DUSP10: variants seen among roughly 807,000 people sequenced by gnomAD.
The protein encoded by DUSP10 is dual specificity protein phosphatase 10.
DUSP10 carries 14 observed loss-of-function variants against 30.8 expected under a neutral mutation model. The ratio of observed to expected loss-of-function variants is 0.46; its 90% CI spans 0.30 to 0.71. The LOEUF (loss-of-function observed/expected upper bound fraction) is 0.71. Ranked by LOEUF, DUSP10 falls within the 30% of genes least tolerant of loss-of-function variation. DUSP10 has a pLI of 0.08. For missense variants in DUSP10, 550 were observed against 619.4 expected, an observed-to-expected ratio of 0.89 and a Z score of 1.19; for synonymous variants, 254 against 250.4, an observed-to-expected ratio of 1.01 and a Z score of -0.14.
intron 2 of DUSP10, chr1:221,736,984 C>T: frequency 1.0e-6 from 1 of 985,522 alleles, no homozygotes; most frequent in Non-Finnish European, 1.2e-6. Context: ...GGCAATCTTA[C>T]TCTGACACTG....
At position 221,739,711 on chromosome 1, in the gene DUSP10, C is replaced by A. The variant is rs1473378213; in HGVS notation, c.34G>T (p.Val12Leu). Residue 12 changes from valine to leucine, a missense_variant, in exon 2 of 4, where the codon GTG (valine) becomes TTG (leucine). Transcript: ENST00000366899. ...GGTCGGACGGGCCTAGATAGTGCCA[C>A]TACTACCCTGTCGTCTAAAGGAGAC... ...PPSPLDDRVV[V>L]ALSRPVRPQD... 1 of 1,609,684 alleles carries A rather than the reference C, an allele frequency of 6.2e-7. No homozygotes were observed. Among genetic ancestry groups the A allele is most frequent in the Non-Finnish European group, 8.5e-7 (1 of 1,177,234 alleles).
At chr1:221,715,271 T>C (rs1262762198) in intron 2 of DUSP10, among the ~76,000 whole-genome samples, 2 of 152,230 alleles carry the variant, frequency 1.3e-5, no homozygotes, top group Non-Finnish European at 2.9e-5. Flanking sequence ...TAAAGTTTAA[T>C]TGGAGGCCTT....
chr1:221,723,962 T>C (rs558302843), intron 2 of DUSP10, among the ~76,000 whole-genome samples: 3 of 152,386 alleles, frequency 2.0e-5, no homozygotes, highest in African/African-American at 7.2e-5. Context: ...ATCATGTGGA[T>C]GTCTTTCTGA....
chr1:221,738,530 C>T (rs1207618953), intron 2 of DUSP10, among the ~76,000 whole-genome samples: 1 of 152,224 alleles, frequency 6.6e-6, no homozygotes, highest in Admixed American at 6.5e-5. Context: ...TTGCTCCTTC[C>T]TCTGTTCCAT....
At chr1:221,718,194 G>A (rs1661168912) in intron 2 of DUSP10, among the ~76,000 whole-genome samples, 1 of 152,064 alleles carries the variant, frequency 6.6e-6, no homozygotes, top group South Asian at 2.1e-4. Flanking sequence ...AAGCCTTGTA[G>A]AACCTTAGTT....
chr1:221,720,572 T>C (rs988419738), intron 2 of DUSP10, among the ~76,000 whole-genome samples: 1 of 152,088 alleles, frequency 6.6e-6, no homozygotes, highest in Admixed American at 6.5e-5. Context: ...GGTAATCTTG[T>C]AGGACTGAGC....
chr1:221,723,411 T>A (rs1486055640), intron 2 of DUSP10, among the ~76,000 whole-genome samples: 1 of 152,244 alleles, frequency 6.6e-6, no homozygotes, highest in East Asian at 1.9e-4. Context: ...CAGTCTATTC[T>A]TGCAATACTG....
intron 2 of DUSP10, among the ~76,000 whole-genome samples, chr1:221,719,211 A>C (rs1485502713): frequency 6.6e-6 from 1 of 152,226 alleles, no homozygotes; most frequent in Non-Finnish European, 1.5e-5. Flanking sequence ...TGTTTTCCTG[A>C]ACCGATGTTT....
At chr1:221,704,221 T>C (rs563897494) in intron 3 of DUSP10, among the ~76,000 whole-genome samples, 1 of 151,632 alleles carries the variant, frequency 6.6e-6, no homozygotes, top group African/African-American at 2.4e-5. Flanking sequence ...GTTTATCCAA[T>C]AATATAACAA....
chr1:221,724,045 C>G (rs556651624), intron 2 of DUSP10, among the ~76,000 whole-genome samples: 1 of 152,320 alleles, frequency 6.6e-6, no homozygotes, highest in South Asian at 2.1e-4. Context: ...TCATGCATAA[C>G]AAAGACACTC....
At chr1:221,711,314 G>A (rs1421424920) in intron 2 of DUSP10, among the ~76,000 whole-genome samples, 1 of 152,182 alleles carries the variant, frequency 6.6e-6, no homozygotes, top group Non-Finnish European at 1.5e-5. Context: ...CTATAAGCAA[G>A]AGATTTTTAT....
At chr1:221,732,335 T>G (rs1046292517) in intron 2 of DUSP10, among the ~76,000 whole-genome samples, 25 of 152,230 alleles carry the variant, frequency 1.6e-4, no homozygotes, top group African/African-American at 6.0e-4. Context: ...GTTAACAGCT[T>G]AAACCACTAG....
At chr1:221,704,266 T>C (rs376143764) in intron 3 of DUSP10, among the ~76,000 whole-genome samples, 70 of 151,768 alleles carry the variant, frequency 4.6e-4, no homozygotes, top group African/African-American at 1.6e-3. Context: ...GGTTGTGATA[T>C]GGAGTTGTTC....
Position 221,741,717 on chromosome 1 carries a change from A to AT in DUSP10, c.-44+263dup, listed in dbSNP as rs1298037364. ...GCCGCAAAGCATCCCAACAAACCTCATTTTTTCTTCGCCCCAAATCCAAGT... is the reference window on the plus strand; with the variant it reads ...GCCGCAAAGCATCCCAACAAACCTCATTTTTTTCTTCGCCCCAAATCCAAGT... On this transcript the variant is annotated intron_variant, in intron 1 of 3. Coordinates refer to ENST00000366899, the MANE Select transcript of DUSP10 (RefSeq NM_007207.6). Among the ~76,000 whole-genome samples the AT allele has an allele frequency of 9.9e-5, 15 of 150,846 alleles. No homozygotes were observed. The East Asian group carries it at 2.7e-3, about 27-fold the overall frequency.
At chr1:221,713,504 C>T (rs1029071161) in intron 2 of DUSP10, among the ~76,000 whole-genome samples, 7 of 152,062 alleles carry the variant, frequency 4.6e-5, no homozygotes, top group East Asian at 1.9e-4. Context: ...TTGAAATGGA[C>T]GTACAGAAAA....
intron 2 of DUSP10, among the ~76,000 whole-genome samples, chr1:221,726,396 G>A (rs1024778537): frequency 7.9e-5 from 12 of 152,116 alleles, no homozygotes; most frequent in African/African-American, 2.9e-4. Flanking sequence ...ACAGGTTACA[G>A]CATTAAAGAA....
intron 2 of DUSP10, among the ~76,000 whole-genome samples, chr1:221,723,868 T>C (rs1420050103): frequency 6.6e-6 from 1 of 152,200 alleles, no homozygotes; most frequent in Non-Finnish European, 1.5e-5. Flanking sequence ...ATAATTAAAT[T>C]ATTGGCCTTG....
chr1:221,702,872 TA>T lies in DUSP10; in HGVS notation c.1184-196del, dbSNP rs1179603171. Among the ~76,000 whole-genome samples, 1 of 152,222 alleles carries T rather than the reference TA, an allele frequency of 6.6e-6. No homozygotes were observed. The highest frequency in any genetic ancestry group is 6.5e-5 in the Admixed American group (1 of 15,292). ...AACTTCCAGAACTGGCTAAAGTTGA[TA>T]TCAGCACGAACAAGAAGCTATACAT... On this transcript the variant is annotated intron_variant, in intron 3 of 3. Transcript: ENST00000366899. This position sits in a 1 kb window ranked among gnomAD's most constrained non-coding sequence, Gnocchi z 4.5.
At chr1:221,712,146 ATT>A (rs967245849) in intron 2 of DUSP10, among the ~76,000 whole-genome samples, 48 of 152,274 alleles carry the variant, frequency 3.2e-4, no homozygotes, top group African/African-American at 1.1e-3. Context: ...GGAATTGGGT[ATT>A]TTACAGTAGG....
Sources: allele counts gnomAD v4.1 joint callset (sites outside exome capture counted in the v4.1 genomes callset), GRCh38; gene constraint gnomAD v4.1.1; non-coding constraint Gnocchi (gnomAD v3.1); transcripts MANE v1.5; gene names NCBI Gene and HGNC (gene_info 2026-07-23, HGNC 2026-07-21).